SLC39A11: variants seen among roughly 807,000 people sequenced by gnomAD.
SLC39A11 encodes zinc transporter ZIP11.
SLC39A11 carries 33 observed loss-of-function variants against 36.1 expected under a neutral mutation model. The observed-to-expected ratio is 0.91, with a 90% CI of 0.69 to 1.22. The LOEUF (loss-of-function observed/expected upper bound fraction) is 1.22, where lower values mean the gene tolerates loss of function less well. Ranked by LOEUF, SLC39A11 falls within the 50% of genes most tolerant of loss-of-function variation. The pLI, the probability that SLC39A11 is intolerant of heterozygous loss-of-function variation, is 0.00. For synonymous variants in SLC39A11, 166 were observed against 170.3 expected (o/e 0.97, Z 0.20); for missense variants, 432 against 430.3 (o/e 1.00, Z -0.03).
chr17:72,802,814 G>T (rs1309002343), intron 6 of SLC39A11, among the ~76,000 whole-genome samples: 1 of 152,096 alleles, frequency 6.6e-6, no homozygotes, highest in African/African-American at 2.4e-5. Flanking sequence ...ACAAAAAGAG[G>T]CTGCCCCTAT....
At chr17:72,833,374 T>C (rs1241597875) in intron 6 of SLC39A11, among the ~76,000 whole-genome samples, 2 of 152,244 alleles carry the variant, frequency 1.3e-5, no homozygotes, top group Non-Finnish European at 2.9e-5. Flanking sequence ...TTTATCCTTA[T>C]CACAAAGCAG....
intron 5 of SLC39A11, among the ~76,000 whole-genome samples, chr17:72,895,072 A>G (rs1409451758): frequency 6.6e-6 from 1 of 150,672 alleles, no homozygotes; most frequent in Non-Finnish European, 1.5e-5. Context: ...TGGTTACTTC[A>G]AGGTAGCTAT....
intron 4 of SLC39A11, among the ~76,000 whole-genome samples, chr17:72,988,060 T>A (rs929708085): frequency 5.3e-5 from 8 of 152,186 alleles, no homozygotes; most frequent in Non-Finnish European, 1.2e-4. Flanking sequence ...GACACAGCCA[T>A]GCAGTGTGAA....
intron 4 of SLC39A11, among the ~76,000 whole-genome samples, chr17:72,959,310 T>TGTGTGTGTGTGTG (rs2086445771): frequency 1.6e-5 from 1 of 61,566 alleles, no homozygotes; most frequent in African/African-American, 7.1e-5. Flanking sequence ...CTGGTGTATG[T>TGTGTGTGTGTGTG]ATGTGTGTGT....
chr17:73,087,819 T>C (rs2060784620), intron 2 of SLC39A11, among the ~76,000 whole-genome samples: 1 of 152,054 alleles, frequency 6.6e-6, no homozygotes, highest in East Asian at 1.9e-4. Context: ...GACATGGGTC[T>C]GTCTATATTC....
intron 4 of SLC39A11, among the ~76,000 whole-genome samples, chr17:72,959,044 G>C (rs2086428495): frequency 6.6e-6 from 1 of 151,856 alleles, no homozygotes; most frequent in African/African-American, 2.4e-5. Flanking sequence ...GTGGTGATCA[G>C]AGAACACTTC....
intron 3 of SLC39A11, among the ~76,000 whole-genome samples, chr17:73,060,210 C>CAAAAAAAAAAAAAAAAA (rs33931672): frequency 2.8e-5 from 2 of 70,338 alleles, no homozygotes; most frequent in African/African-American, 5.6e-5. Flanking sequence ...AACTCCATCT[C>CAAAAAAAAAAAAAAAAA]AAAAAAAAAA....
At chr17:72,995,271 G>A in intron 4 of SLC39A11, among the ~76,000 whole-genome samples, 1 of 152,176 alleles carries the variant, frequency 6.6e-6, no homozygotes, top group Admixed American at 6.5e-5. Context: ...ATGTGCAAGT[G>A]ACTATGAATT....
intron 4 of SLC39A11, among the ~76,000 whole-genome samples, chr17:73,003,743 C>T (rs929143253): frequency 2.0e-5 from 3 of 152,088 alleles, no homozygotes; most frequent in African/African-American, 4.8e-5. Context: ...CACCAAGATC[C>T]GGGATAATCA....
intron 4 of SLC39A11, among the ~76,000 whole-genome samples, chr17:72,965,739 A>G (rs1231415028): frequency 6.6e-6 from 1 of 152,220 alleles, no homozygotes; most frequent in East Asian, 1.9e-4. Context: ...TGTGTGGAAA[A>G]GATACCAGGA....
chr17:72,715,735 G>A (rs768770711), intron 7 of SLC39A11, among the ~76,000 whole-genome samples: 3 of 151,856 alleles, frequency 2.0e-5, no homozygotes, highest in South Asian at 2.1e-4. Flanking sequence ...GTGGAGTCTC[G>A]CTCTGTCACC....
At chr17:72,946,434 T>A (rs1266564040) in intron 5 of SLC39A11, among the ~76,000 whole-genome samples, 1 of 152,210 alleles carries the variant, frequency 6.6e-6, no homozygotes, top group Non-Finnish European at 1.5e-5. Context: ...GGCTGCAGCA[T>A]AGCTTTAACT....
At chr17:72,934,058 T>C (rs778083948) in intron 5 of SLC39A11, among the ~76,000 whole-genome samples, 4 of 151,886 alleles carry the variant, frequency 2.6e-5, no homozygotes, top group Admixed American at 1.3e-4. Context: ...CCTTGAACTC[T>C]ACCTGACACC....
intron 5 of SLC39A11, among the ~76,000 whole-genome samples, chr17:72,928,963 C>T (rs1386099180): frequency 6.6e-6 from 1 of 152,208 alleles, no homozygotes; most frequent in African/African-American, 2.4e-5. Context: ...CCTGTGAACC[C>T]GCATTGGTGT....
At chr17:72,779,520 T>G (rs774712445) in intron 6 of SLC39A11, among the ~76,000 whole-genome samples, 17 of 152,132 alleles carry the variant, frequency 1.1e-4, no homozygotes, top group Non-Finnish European at 2.2e-4. Flanking sequence ...ATGAGAGGTG[T>G]AGGATAAATC....
At chr17:73,038,947 A>C (rs1478886689) in intron 3 of SLC39A11, among the ~76,000 whole-genome samples, 3 of 152,116 alleles carry the variant, frequency 2.0e-5, no homozygotes, top group African/African-American at 7.2e-5. Flanking sequence ...CAAAACGCCA[A>C]GACCCATCTC....
At chr17:72,758,390 A>G (rs982015057) in intron 6 of SLC39A11, among the ~76,000 whole-genome samples, 46 of 152,312 alleles carry the variant, frequency 3.0e-4, no homozygotes, top group African/African-American at 8.9e-4. Context: ...TTCAATCAAC[A>G]TTCCCTCTTT....
intron 7 of SLC39A11, among the ~76,000 whole-genome samples, chr17:72,679,463 C>T (rs1487256027): frequency 1.3e-5 from 2 of 152,140 alleles, no homozygotes; most frequent in East Asian, 1.9e-4. Flanking sequence ...GTCTGAGATG[C>T]GCAGACACAG....
intron 6 of SLC39A11, among the ~76,000 whole-genome samples, chr17:72,831,165 T>C (rs2078269814): frequency 6.6e-6 from 1 of 152,084 alleles, no homozygotes; most frequent in Admixed American, 6.5e-5. Context: ...CCCCAACCTC[T>C]TCCCTAACAT....
Sources: gnomAD v4.1 joint callset for allele counts (sites outside exome capture counted in the v4.1 genomes callset) on GRCh38, gnomAD v4.1.1 for gene constraint, MANE v1.5 for transcripts, NCBI Gene and HGNC (gene_info 2026-07-23, HGNC 2026-07-21) for gene names.